AHNAK: variants seen among roughly 807,000 people sequenced by gnomAD.
AHNAK encodes AHNAK nucleoprotein.
AHNAK carries 23 observed loss-of-function variants against 37.8 expected under a neutral mutation model. The ratio of observed to expected loss-of-function variants is 0.61; its 90% CI spans 0.44 to 0.86. The LOEUF is 0.86. Among genes scored for constraint, AHNAK ranks in the 40% least tolerant of loss-of-function variants. The pLI, the probability that AHNAK is intolerant of heterozygous loss-of-function variation, is 0.00. For missense variants in AHNAK, 7,411 were observed against 7,319.4 expected (o/e 1.01, Z -0.46); for synonymous variants, 2,481 against 2,636.3 (o/e 0.94, Z 1.80).
intron 4 of AHNAK, among the ~76,000 whole-genome samples, chr11:62,499,188 G>A (rs912951851): frequency 1.3e-5 from 2 of 152,168 alleles, no homozygotes; most frequent in African/African-American, 4.8e-5. Flanking sequence ...GGAAAAGATA[G>A]AAAGGGTTTA....
downstream of AHNAK, among the ~76,000 whole-genome samples, chr11:62,512,083 G>A (rs913503134): frequency 6.6e-6 from 1 of 152,296 alleles, no homozygotes; most frequent in East Asian, 1.9e-4. The surrounding 1 kb of genome is among the most constrained non-coding windows in gnomAD (Gnocchi z 4.0). Context: ...CCGAGCCCAG[G>A]CAATCCACCT....
In AHNAK at chr11:62,520,599, C is replaced by G. The variant is rs960149842; in HGVS notation, c.13818G>C (p.Lys4606Asn). The G allele has an allele frequency of 6.2e-6, 10 of 1,613,976 alleles. No homozygotes were observed. The highest frequency in any genetic ancestry group is 1.6e-4 in the Middle Eastern group (1 of 6,062). The change falls in exon 5 of 5, where the codon AAG becomes AAC. Residue 4606 changes from lysine (K) to asparagine (N), a missense_variant. Transcript: ENST00000378024. The part of the protein sequence containing the change: ...PEVDLNLKGP[K>N]VKGDMDISLP... ...GAGAAATGTCCATGTCGCCCTTCAC[C>G]TTTGGACCTTTCAGATTCAGGTCAA...
chr11:62,522,414 G>A lies in AHNAK; in HGVS notation c.12003C>T (p.Ile4001=). 1 of 1,614,098 alleles carries A rather than the reference G, an allele frequency of 6.2e-7. No homozygotes were observed. The change falls in exon 5 of 5, where the codon ATC becomes ATT. Residue 4001 remains isoleucine, a synonymous_variant. Transcript: ENST00000378024. ...GATGCAAATCAAAGTCAGGCATGGA[G>A]ATCTTGGGGGCTTTGATGTTCATCT... The part of the protein sequence containing the change: ...MPEMNIKAPK[I]SMPDFDLHLK...
At position 62,535,126 on chromosome 11, in the gene AHNAK, C is replaced by T; in HGVS notation, c.219G>A (p.Leu73=). 4.3e-6 allele frequency: 7 copies of T among 1,613,828 alleles called. No homozygotes were observed. Among genetic ancestry groups the T allele is most frequent in the Non-Finnish European group, 4.2e-6 (5 of 1,179,736 alleles). Residue 73 remains leucine (L), a synonymous_variant, in exon 4 of 5, where the codon CTG becomes CTA. Coordinates refer to ENST00000378024, the MANE Select transcript of AHNAK (RefSeq NM_001620.3). The part of the protein sequence containing the change: ...DNLQSGEVTQ[L]LNTMGHHTVG... ...CCGTGTGGTGCCCCATGGTGTTCAG[C>T]AGCTGGGTCACCTCACCCGACTGCA...
At position 62,516,990 on chromosome 11, in the gene AHNAK, T is replaced by C. The variant is rs376106754; in HGVS notation, c.17427A>G (p.Glu5809=). ...LEFEGGEVSL[E]GGKVKGKHGK... ...CGTGTTTCCCTTTAACTTTCCCACC[T>C]TCCAGAGACACTTCCCCACCTTCAA... The change falls in exon 5 of 5, where the codon GAA becomes GAG. Residue 5809 remains glutamate, a synonymous_variant. Coordinates refer to ENST00000378024, the MANE Select transcript of AHNAK (RefSeq NM_001620.3). 2 of 1,614,088 alleles carry C rather than the reference T, an allele frequency of 1.2e-6. No individual in the cohort carries two copies. Among genetic ancestry groups the C allele is most frequent in the African/African-American group, 2.7e-5 (2 of 74,924 alleles).
Position 62,528,283 on chromosome 11 carries a change from T to A in AHNAK, c.6134A>T (p.His2045Leu), listed in dbSNP as rs1383524740. The A allele has an allele frequency of 4.3e-6, 7 of 1,614,048 alleles. No individual in the cohort carries two copies. Among genetic ancestry groups the A allele is most frequent in the Non-Finnish European group, 5.9e-6 (7 of 1,180,048 alleles). The change falls in exon 5 of 5, where the codon CAC (histidine) becomes CTC (leucine). Residue 2045 changes from histidine to leucine, a missense_variant. His to Leu is a moderately conservative substitution (Grantham distance 99). Coordinates refer to ENST00000378024, the MANE Select transcript of AHNAK (RefSeq NM_001620.3). ...PDVDVHGPDWHLKMPKMKMPK... is the reference protein window; with the variant it reads ...PDVDVHGPDWLLKMPKMKMPK... ...CATTTTCATCTTGGGCATCTTCAGG[T>A]GCCAGTCTGGGCCATGAACATCCAC...
intron 1 of AHNAK, among the ~76,000 whole-genome samples, chr11:62,538,270 C>T (rs1941016268): frequency 6.6e-6 from 1 of 152,190 alleles, no homozygotes; most frequent in African/African-American, 2.4e-5. Flanking sequence ...CACCTTGGCC[C>T]ACAGTGAGTT....
rs547129064 is a variant in AHNAK, at chr11:62,526,632, G to A, written c.7785C>T (p.Gly2595=). 9.7e-5 allele frequency: 157 copies of A among 1,612,184 alleles called. No homozygotes were observed. Among genetic ancestry groups the A allele is most frequent in the Admixed American group, 6.2e-4 (37 of 59,792 alleles). ...CTTTGGGCAGAGAAACATCCACATC[G>A]CCCTTCACCTTGGGACCTTTCAGAT... ...DLHLKGPKVK[G]DVDVSLPKVE... is the part of the protein sequence containing the mutation. The change falls in exon 5 of 5, where the codon GGC becomes GGT. Residue 2595 remains glycine, a synonymous_variant. Coordinates refer to ENST00000378024, the MANE Select transcript of AHNAK (RefSeq NM_001620.3).
intron 5 of AHNAK, among the ~76,000 whole-genome samples, chr11:62,451,323 G>A (rs1208627496): frequency 2.0e-5 from 3 of 151,024 alleles, no homozygotes; most frequent in African/African-American, 4.8e-5. Flanking sequence ...CTCATTCTCA[G>A]ACACTCGCCC....
At chr11:62,507,521 G>A (rs954873148) in intron 4 of AHNAK, among the ~76,000 whole-genome samples, 6 of 152,096 alleles carry the variant, frequency 3.9e-5, no homozygotes, top group Non-Finnish European at 8.8e-5. Flanking sequence ...CTGGGGATGC[G>A]GGCTCACACC....
At chr11:62,461,536 A>G (rs1038390018) in intron 5 of AHNAK, among the ~76,000 whole-genome samples, 9 of 152,208 alleles carry the variant, frequency 5.9e-5, no homozygotes, top group African/African-American at 2.2e-4. Context: ...CAATAGTTAG[A>G]GAAGGGCCAA....
intron 5 of AHNAK, among the ~76,000 whole-genome samples, chr11:62,447,203 T>C (rs1938437594): frequency 6.6e-6 from 1 of 152,162 alleles, no homozygotes; most frequent in African/African-American, 2.4e-5. Flanking sequence ...CAAGCGCTAT[T>C]CCCTCCTTAC....
At position 62,526,858 on chromosome 11, in the gene AHNAK, A is replaced by G. The variant is rs1940510310; in HGVS notation, c.7559T>C (p.Met2520Thr). 6.2e-7 allele frequency: 1 copy of G among 1,613,806 alleles called. No homozygotes were observed. Among genetic ancestry groups the G allele is most frequent in the Non-Finnish European group, 8.5e-7 (1 of 1,179,968 alleles). ...MPKMKMPKFS[M>T]PGFKAEGPEV... The stretch of plus-strand genomic sequence containing the variant: ...AGGGCCCTCTGCTTTGAAGCCAGGC[A>G]TGCTGAACTTGGGCATTTTCATCTT... The change falls in exon 5 of 5, where the codon ATG becomes ACG. Residue 2520 changes from methionine to threonine, a missense_variant. Transcript: ENST00000378024.
At chr11:62,456,168 A>G (rs752486422) in intron 5 of AHNAK, among the ~76,000 whole-genome samples, 8 of 152,198 alleles carry the variant, frequency 5.3e-5, no homozygotes, top group Non-Finnish European at 7.3e-5. Flanking sequence ...TCGGGAAGCT[A>G]ACCCTGCAGA....
chr11:62,533,406 A>G lies in AHNAK; in HGVS notation c.1011T>C (p.Ser337=), dbSNP rs772703735. 6.2e-7 allele frequency: 1 copy of G among 1,605,924 alleles called. No homozygotes were observed. Among genetic ancestry groups the G allele is most frequent in the Non-Finnish European group, 8.5e-7 (1 of 1,175,808 alleles). Residue 337 remains serine (S), a synonymous_variant, in exon 5 of 5, where the codon TCT becomes TCC. Transcript: ENST00000378024. ...CTGGCTTGCCGCCCTTGTGCCCCACAGAGACTTCAGGTGCAGAAACCCTCA... is the reference window on the plus strand; with the variant it reads ...CTGGCTTGCCGCCCTTGTGCCCCACGGAGACTTCAGGTGCAGAAACCCTCA... The part of the protein sequence containing the change: ...AGLRVSAPEV[S]VGHKGGKPGL...
At chr11:62,467,152 T>C (rs1222441036) in intron 5 of AHNAK, among the ~76,000 whole-genome samples, 3 of 146,556 alleles carry the variant, frequency 2.0e-5, no homozygotes, top group African/African-American at 7.6e-5. Flanking sequence ...GCAAAGGCTA[T>C]AGTAAACCAT....
rs768101960 is a variant in AHNAK at position 62,518,694 on chromosome 11, G to A, written c.15723C>T (p.Ile5241=). ...CCTCCATTTTCACACCTGGGATGCC[G>A]ATCTTGGGCATGGAAAACTTGGGGA... The part of the protein sequence containing the change: ...IKFPKFSMPK[I]GIPGVKMEGG... The change falls in exon 5 of 5, where the codon ATC becomes ATT. Residue 5241 remains isoleucine, a synonymous_variant. Coordinates refer to ENST00000378024, the MANE Select transcript of AHNAK (RefSeq NM_001620.3). The A allele has an allele frequency of 1.4e-5, 23 of 1,614,042 alleles. No homozygotes were observed. Among genetic ancestry groups the A allele is most frequent in the African/African-American group, 1.1e-4 (8 of 74,934 alleles).
intron 5 of AHNAK, among the ~76,000 whole-genome samples, chr11:62,470,108 T>A (rs546072621): frequency 3.3e-5 from 5 of 150,688 alleles, no homozygotes; most frequent in African/African-American, 9.8e-5. Flanking sequence ...ATCGAGACCA[T>A]CCTGGCCAAC....
chr11:62,524,612 T>G lies in AHNAK; in HGVS notation c.9805A>C (p.Ile3269Leu), dbSNP rs1294480483. 1 of 1,614,142 alleles carries G rather than the reference T, an allele frequency of 6.2e-7. No homozygotes were observed. Among genetic ancestry groups the G allele is most frequent in the African/African-American group, 1.3e-5 (1 of 75,038 alleles). Reference protein sequence around the residue: ...KIDVDAPDIDIHGPDAKLKGP... With the variant: ...KIDVDAPDIDLHGPDAKLKGP... Reference sequence around the variant, plus strand: ...TTTAATTTGGCATCTGGGCCATGAATGTCAATATCTGGAGCATCTACATCT... The same window carrying G: ...TTTAATTTGGCATCTGGGCCATGAAGGTCAATATCTGGAGCATCTACATCT... Residue 3269 changes from isoleucine to leucine, a missense_variant, in exon 5 of 5, where the codon ATT becomes CTT. Coordinates refer to ENST00000378024, the MANE Select transcript of AHNAK (RefSeq NM_001620.3).
Sources: gnomAD v4.1 joint callset for allele counts (sites outside exome capture counted in the v4.1 genomes callset) on GRCh38, gnomAD v4.1.1 for gene constraint, Gnocchi (gnomAD v3.1) non-coding constraint, MANE v1.5 for transcripts, NCBI Gene and HGNC (gene_info 2026-07-23, HGNC 2026-07-21) for gene names.